The following IGFBP7 variants were observed in gnomAD, a reference collection of about 807,000 sequenced individuals.
IGFBP7 encodes the protein insulin like growth factor binding protein 7.
A neutral mutation model predicts 29.4 loss-of-function variants in IGFBP7; 31 were observed. That is an observed-to-expected ratio of 1.05 (90% confidence interval 0.79 to 1.42). IGFBP7 has a LOEUF of 1.42. Ranked by LOEUF, IGFBP7 falls within the 40% of genes most tolerant of loss-of-function variation. The pLI is 0.00. For missense variants in IGFBP7, 393 were observed against 395.5 expected (o/e 0.99, Z 0.05); for synonymous variants, 172 against 174.9 (o/e 0.98, Z 0.13).
In IGFBP7 at chr4:57,040,860, G is replaced by A. The variant is rs1724204814; in HGVS notation, c.549C>T (p.Val183=). The change falls in exon 2 of 5, where the codon GTC becomes GTT. Residue 183 remains valine (V), a synonymous_variant. Coordinates refer to ENST00000295666, the MANE Select transcript of IGFBP7 (RefSeq NM_001553.3). Reference sequence around the variant, plus strand: ...TGAGGACAGGTGTCGGGATTCCGATGACCTCACAGCTCAAGTACACCTGGG... The same window carrying A: ...TGAGGACAGGTGTCGGGATTCCGATAACCTCACAGCTCAAGTACACCTGGG... ...TGAQVYLSCE[V]IGIPTPVLIW... 6.2e-7 allele frequency: 1 copy of A among 1,613,922 alleles called. No individual in the cohort carries two copies. Among genetic ancestry groups the A allele is most frequent in the South Asian group, 1.1e-5 (1 of 91,076 alleles).
At position 57,040,091 on chromosome 4, in the gene IGFBP7, T is replaced by A. The variant is rs1724184179; in HGVS notation, c.585+733A>T. ...TCCTCCTCTTGTTCCTTTTTAATGC[T>A]CTGTTCTGGAGTGGTCTCCTCTGTC... On this transcript the variant is annotated intron_variant, in intron 2 of 4. Coordinates refer to ENST00000295666, the MANE Select transcript of IGFBP7 (RefSeq NM_001553.3). 1.3e-5 allele frequency among the ~76,000 whole-genome samples: 2 copies of A among 152,152 alleles called. 1 individual carries two copies. The highest frequency in any genetic ancestry group is 4.1e-4 in the South Asian group (2 of 4,836).
intron 2 of IGFBP7, among the ~76,000 whole-genome samples, chr4:57,034,049 C>CAAAAAAAAAAAAA (rs35304758): frequency 1.0e-5 from 1 of 96,530 alleles, no homozygotes; most frequent in Non-Finnish European, 1.9e-5. Context: ...GACTCCATCT[C>CAAAAAAAAAAAAA]AAAAAAAAAA....
chr4:57,030,982 T>C lies in IGFBP7; in HGVS notation c.*335A>G. The C allele has an allele frequency of 1.9e-6, 3 of 1,569,204 alleles. No individual in the cohort carries two copies. The highest frequency in any genetic ancestry group is 1.1e-5 in the South Asian group (1 of 90,186). On this transcript the variant is annotated 3_prime_UTR_variant, in exon 5 of 5. Coordinates refer to ENST00000295666, the MANE Select transcript of IGFBP7 (RefSeq NM_001553.3). Reference sequence around the variant, plus strand: ...TGAGTATTGCACCGCGAATGATGAGTGTTTAGCTATTTTACAGGAGTCAAC... The same window carrying C: ...TGAGTATTGCACCGCGAATGATGAGCGTTTAGCTATTTTACAGGAGTCAAC...
At chr4:57,072,276 G>C (rs889752006) in intron 1 of IGFBP7, among the ~76,000 whole-genome samples, 4 of 152,090 alleles carry the variant, frequency 2.6e-5, no homozygotes, top group African/African-American at 9.7e-5. Context: ...ACGTTAGTTT[G>C]CTAAGGATAA....
intron 1 of IGFBP7, among the ~76,000 whole-genome samples, chr4:57,057,851 T>C (rs1019658879): frequency 6.6e-6 from 1 of 152,236 alleles, no homozygotes; most frequent in African/African-American, 2.4e-5. Context: ...GTTTACCTAG[T>C]CCTTGGGAAA....
At chr4:57,051,385 C>A (rs950356497) in intron 1 of IGFBP7, among the ~76,000 whole-genome samples, 6 of 152,186 alleles carry the variant, frequency 3.9e-5, no homozygotes, top group Admixed American at 1.3e-4. Flanking sequence ...GAAGAAAGTA[C>A]AACAGCTTAA....
At chr4:57,049,670 G>T (rs574355053) in intron 1 of IGFBP7, among the ~76,000 whole-genome samples, 1 of 152,166 alleles carries the variant, frequency 6.6e-6, no homozygotes, top group African/African-American at 2.4e-5. Context: ...GTTCCACAGA[G>T]TGTAGTGCAT....
At chr4:57,088,861 C>T (rs1292888937) in intron 1 of IGFBP7, among the ~76,000 whole-genome samples, 2 of 151,808 alleles carry the variant, frequency 1.3e-5, no homozygotes, top group Non-Finnish European at 2.9e-5. Flanking sequence ...GAAACCCCAT[C>T]TCTACCAAAA....
At chr4:57,081,977 C>G (rs1368837472) in intron 1 of IGFBP7, among the ~76,000 whole-genome samples, 2 of 152,074 alleles carry the variant, frequency 1.3e-5, no homozygotes, top group Non-Finnish European at 1.5e-5. Context: ...CTTTGGCTTA[C>G]CAGGTGAAAG....
intron 1 of IGFBP7, among the ~76,000 whole-genome samples, chr4:57,056,100 C>T (rs1487844835): frequency 6.6e-6 from 1 of 152,060 alleles, no homozygotes; most frequent in Admixed American, 6.6e-5. Flanking sequence ...AACTGAGCTC[C>T]TCCTGCTCTT....
At chr4:57,083,443 G>A (rs1292381107) in intron 1 of IGFBP7, among the ~76,000 whole-genome samples, 1 of 152,232 alleles carries the variant, frequency 6.6e-6, no homozygotes, top group Admixed American at 6.5e-5. Context: ...GCCACTTGCA[G>A]TTGTTCCTTT....
At chr4:57,039,065 C>CAAAAAAAA (rs71208974) in intron 2 of IGFBP7, among the ~76,000 whole-genome samples, 30 of 106,454 alleles carry the variant, frequency 2.8e-4, no homozygotes, top group Non-Finnish European at 4.0e-4. Context: ...AACTATGTCT[C>CAAAAAAAA]AAAAAAAAAA....
chr4:57,106,141 C>T lies in IGFBP7; in HGVS notation c.475+3736G>A, dbSNP rs528477908. Among the ~76,000 whole-genome samples the T allele has an allele frequency of 2.8e-3, 419 of 152,158 alleles. 1 individual carries two copies. The highest frequency in any genetic ancestry group is 9.6e-3 in the African/African-American group (397 of 41,500). On this transcript the variant is annotated intron_variant, in intron 1 of 4. Coordinates refer to ENST00000295666, the MANE Select transcript of IGFBP7 (RefSeq NM_001553.3). ...CAGGATGGTCTCGATCTCCTGATCT[C>T]GTGATCCGCCCGCCTCGGCCTCCCA... is the stretch of plus-strand genomic sequence containing the variant.
At chr4:57,090,189 A>G (rs1345113525) in intron 1 of IGFBP7, among the ~76,000 whole-genome samples, 3 of 152,112 alleles carry the variant, frequency 2.0e-5, no homozygotes, top group Non-Finnish European at 4.4e-5. Flanking sequence ...CTCTTCCCCA[A>G]ATCCCACCAT....
chr4:57,041,948 G>A (rs1724236247), intron 1 of IGFBP7, among the ~76,000 whole-genome samples: 1 of 152,154 alleles, frequency 6.6e-6, no homozygotes, highest in African/African-American at 2.4e-5. Context: ...AAGAGTGACT[G>A]ATCTATTGGG....
Position 57,030,860 on chromosome 4 carries a change from A to G in IGFBP7, c.*457T>C, listed in dbSNP as rs368572055. On this transcript the variant is annotated 3_prime_UTR_variant, in exon 5 of 5. Transcript: ENST00000295666. ...GGGGTAGAGAAGTGGGGTCACTTCA[A>G]TACAATTCTGCTAATTACCATTTGT... 2.5e-5 allele frequency: 30 copies of G among 1,223,410 alleles called. No homozygotes were observed. Among genetic ancestry groups the G allele is most frequent in the Middle Eastern group, 1.9e-4 (1 of 5,314 alleles). 75.8% of individuals were successfully genotyped at this position (1,223,410 alleles called of 1,614,324 possible). A position where few individuals can be genotyped will look rare whatever the true frequency, so the allele number is the denominator to read the frequency against.
chr4:57,082,563 G>C (rs906254624), intron 1 of IGFBP7, among the ~76,000 whole-genome samples: 2 of 152,156 alleles, frequency 1.3e-5, no homozygotes, highest in Non-Finnish European at 2.9e-5. Context: ...ATTTAGTTAT[G>C]AGGAATATCA....
intron 1 of IGFBP7, among the ~76,000 whole-genome samples, chr4:57,075,649 T>TA (rs5858410): frequency 0.77 from 117,664 of 151,868 alleles, 45,865 homozygotes; most frequent in East Asian, 0.97. Context: ...GCAAAAACAT[T>TA]AAAAAAATAA....
chr4:57,103,169 CTGT>C lies in IGFBP7; in HGVS notation c.475+6705_475+6707del, dbSNP rs141966573. Among the ~76,000 whole-genome samples the C allele has an allele frequency of 1.7e-3, 255 of 152,276 alleles. 1 individual carries two copies. The highest frequency in any genetic ancestry group is 5.9e-3 in the African/African-American group (247 of 41,556). On this transcript the variant is annotated intron_variant, in intron 1 of 4. Transcript: ENST00000295666. ...AAGTCTTGGGAAGGAGTGTAGGCAT[CTGT>C]TGTTGTGATTACAGTAACAGCTTCC...
Sources: gnomAD v4.1 joint callset for allele counts (sites outside exome capture counted in the v4.1 genomes callset) on GRCh38, gnomAD v4.1.1 for gene constraint, MANE v1.5 for transcripts, NCBI Gene and HGNC (gene_info 2026-07-23, HGNC 2026-07-21) for gene names.